KLHL17: variants seen among roughly 807,000 people sequenced by gnomAD.
KLHL17 encodes the protein kelch-like protein 17.
In KLHL17, 71 loss-of-function variants were observed where a neutral mutation model predicts 64.6. The observed-to-expected ratio is 1.10, with a 90% CI of 0.91 to 1.34. The LOEUF (loss-of-function observed/expected upper bound fraction) is 1.34. Ranked by LOEUF, KLHL17 falls within the 40% of genes most tolerant of loss-of-function variation. The pLI, the probability that KLHL17 is intolerant of heterozygous loss-of-function variation, is 0.00. For missense variants in KLHL17, 1,140 were observed against 935.0 expected (o/e 1.22, Z -2.86); for synonymous variants, 612 against 405.4 (o/e 1.51, Z -6.12).
At chr1:961,128 C>T (rs568568735) in intron 1 of KLHL17, among the ~76,000 whole-genome samples, 165 bp from the exon 2 acceptor site, 1 of 150,890 alleles carries the variant, frequency 6.6e-6, no homozygotes, top group Admixed American at 6.6e-5. Flanking sequence ...GGCCTGGACA[C>T]GGCGCGCTCC....
Position 962,053 on chromosome 1 carries a change from A to C in KLHL17, c.711+6A>C, listed in dbSNP as rs1198938448. On this transcript the variant is annotated splice_donor_region_variant and intron_variant, in intron 4 of 11. Coordinates refer to ENST00000338591, the MANE Select transcript of KLHL17 (RefSeq NM_198317.3). Reference sequence around the variant, plus strand: ...TGCTGCTGCCCCTGAAACAGGTAACAGCTGGCGGGCCCAGCCCTCGCCCCC... The same window carrying C: ...TGCTGCTGCCCCTGAAACAGGTAACCGCTGGCGGGCCCAGCCCTCGCCCCC... 6.2e-7 allele frequency: 1 copy of C among 1,611,962 alleles called. No homozygotes were observed. The highest frequency in any genetic ancestry group is 1.3e-5 in the African/African-American group (1 of 74,890).
chr1:965,190 G>A lies in KLHL17; in HGVS notation c.1928G>A (p.Ter643=). The A allele has an allele frequency of 1.9e-6, 3 of 1,611,904 alleles. No homozygotes were observed. Among genetic ancestry groups the A allele is most frequent in the Non-Finnish European group, 2.5e-6 (3 of 1,179,520 alleles). The change falls in exon 12 of 12, where the codon TGA becomes TAA. Residue 643 remains the stop codon, a stop_retained_variant. Transcript: ENST00000338591. ...CTGTCCGTGTCCTCCACCAGCCTCTGACCCACCTACCACCAGAGGCCTGCA... is the reference window on the plus strand; with the variant it reads ...CTGTCCGTGTCCTCCACCAGCCTCTAACCCACCTACCACCAGAGGCCTGCA... ...PTLSVSSTSL[*]
chr1:965,671 A>G lies in KLHL17; in HGVS notation c.*480A>G, dbSNP rs956100876. On this transcript the variant is annotated 3_prime_UTR_variant, in exon 12 of 12. Transcript: ENST00000338591. The stretch of plus-strand genomic sequence containing the variant: ...GTGCACACGCGTGCACTGGGACCCC[A>G]CACAGCAATACGAGTCCAACTTAAT... The G allele has an allele frequency of 2.4e-5, 4 of 165,900 alleles. No individual in the cohort carries two copies. The highest frequency in any genetic ancestry group is 5.2e-5 in the Non-Finnish European group (4 of 77,336). 10.3% of individuals were successfully genotyped at this position (165,900 alleles called of 1,614,324 possible).
At chr1:963,658 C>G (rs1642760073) in intron 8 of KLHL17, 154 bp downstream of exon 8, 1 of 957,402 alleles carries the variant, frequency 1.0e-6, no homozygotes, top group African/African-American at 1.6e-5. Flanking sequence ...GGCCTGAACT[C>G]TTGGCTTTGC....
Position 961,520 on chromosome 1 carries a change from C to A in KLHL17, c.335C>A (p.Ser112Tyr). 6.2e-7 allele frequency: 1 copy of A among 1,612,612 alleles called. No individual in the cohort carries two copies. Among genetic ancestry groups the A allele is most frequent in the Non-Finnish European group, 8.5e-7 (1 of 1,179,964 alleles). Residue 112 changes from serine (S) to tyrosine (Y), a missense_variant, in exon 2 of 12, where the codon TCC becomes TAC. Physicochemically the swap from Ser to Tyr is moderately radical, Grantham distance 144. Transcript: ENST00000338591. Reference sequence around the variant, plus strand: ...CGTGCGCACAAAGTGGTGCTGGCCTCCTGCAGCCCCTACTTCCACGCCATG... The same window carrying A: ...CGTGCGCACAAAGTGGTGCTGGCCTACTGCAGCCCCTACTTCCACGCCATG... ...EIRAHKVVLA[S>Y]CSPYFHAMFT...
rs1642808819 is a variant in KLHL17 at position 964,442 on chromosome 1, A to G, written c.1612A>G (p.Asn538Asp). 1.3e-6 allele frequency: 2 copies of G among 1,550,374 alleles called. No individual in the cohort carries two copies. Among genetic ancestry groups the G allele is most frequent in the Non-Finnish European group, 8.7e-7 (1 of 1,147,050 alleles). Residue 538 changes from asparagine to aspartate, a missense_variant, in exon 11 of 12, where the codon AAC becomes GAC. Physicochemically the swap from Asn to Asp is conservative, Grantham distance 23. Coordinates refer to ENST00000338591, the MANE Select transcript of KLHL17 (RefSeq NM_198317.3). Reference protein sequence around the residue: ...LEGALYVAGGNDGTSCLNSVE... With the variant: ...LEGALYVAGGDDGTSCLNSVE... ...GGGTGCCCTGTACGTGGCAGGGGGC[A>G]ACGACGGCACCAGCTGCCTCAACTC...
In KLHL17 at chr1:961,652, A is replaced by G. The variant is rs138709878; in HGVS notation, c.391A>G (p.Thr131Ala). 4.0e-5 allele frequency: 64 copies of G among 1,612,688 alleles called. 1 individual carries two copies. In the African/African-American group the frequency reaches 7.9e-4, roughly 20 times the overall value. Residue 131 changes from threonine to alanine, a missense_variant, in exon 3 of 12, where the codon ACC becomes GCC. Coordinates refer to ENST00000338591, the MANE Select transcript of KLHL17 (RefSeq NM_198317.3). ...FTNEMSESRQ[T>A]HVTLHDIDPQ... Reference sequence around the variant, plus strand: ...AGATGAGATGAGCGAGAGCCGCCAGACCCACGTGACGCTGCACGACATCGA... The same window carrying G: ...AGATGAGATGAGCGAGAGCCGCCAGGCCCACGTGACGCTGCACGACATCGA...
chr1:965,203 C>T lies in KLHL17; in HGVS notation c.*12C>T. ...CCACCAGCCTCTGACCCACCTACCA[C>T]CAGAGGCCTGCAGCCTCCCACATGC... On this transcript the variant is annotated 3_prime_UTR_variant, in exon 12 of 12. Transcript: ENST00000338591. 4.3e-6 allele frequency: 7 copies of T among 1,609,402 alleles called. No homozygotes were observed. The highest frequency in any genetic ancestry group is 5.9e-6 in the Non-Finnish European group (7 of 1,177,540).
At position 962,935 on chromosome 1, in the gene KLHL17, T is replaced by C. The variant is rs779258595; in HGVS notation, c.1042+18T>C. On this transcript the variant is annotated intron_variant, in intron 6 of 11. Transcript: ENST00000338591. The stretch of plus-strand genomic sequence containing the variant: ...TGCTGTGGGTATGGCCCCCCGCCCG[T>C]TTCCCTCTTGCCCTGTGCCTTCTAC... 269 of 1,536,136 alleles carry C rather than the reference T, an allele frequency of 1.8e-4. No individual in the cohort carries two copies. The highest frequency in any genetic ancestry group is 1.2e-3 in the Middle Eastern group (7 of 5,768).
chr1:961,909 C>G lies in KLHL17; in HGVS notation c.573C>G (p.Pro191=). Reference sequence around the variant, plus strand: ...AGTTTCTACTGAGTCAGCTCGACCCCTCCAACTGCCTGGGTATCCGGGGCT... The same window carrying G: ...AGTTTCTACTGAGTCAGCTCGACCCGTCCAACTGCCTGGGTATCCGGGGCT... The part of the protein sequence containing the change: ...CCKFLLSQLD[P]SNCLGIRGFA... The change falls in exon 4 of 12, where the codon CCC becomes CCG. Residue 191 remains proline (P), a synonymous_variant. Transcript: ENST00000338591. The G allele has an allele frequency of 1.9e-6, 3 of 1,612,952 alleles. No individual in the cohort carries two copies. The highest frequency in any genetic ancestry group is 2.5e-6 in the Non-Finnish European group (3 of 1,180,018).
chr1:964,131 G>A lies in KLHL17; in HGVS notation c.1469G>A (p.Gly490Asp). Reference protein sequence around the residue: ...TLDGNLYAVGGYDSSSHLATV... With the variant: ...TLDGNLYAVGDYDSSSHLATV... ...GATGGGAACCTGTATGCTGTGGGCGGCTACGACAGCTCCTCACACCTGGCC... is the reference window on the plus strand; with the variant it reads ...GATGGGAACCTGTATGCTGTGGGCGACTACGACAGCTCCTCACACCTGGCC... The change falls in exon 10 of 12, where the codon GGC becomes GAC. Residue 490 changes from glycine (G) to aspartate (D), a missense_variant. Coordinates refer to ENST00000338591, the MANE Select transcript of KLHL17 (RefSeq NM_198317.3). 2 of 1,612,698 alleles carry A rather than the reference G, an allele frequency of 1.2e-6. No homozygotes were observed. Among genetic ancestry groups the A allele is most frequent in the East Asian group, 2.2e-5 (1 of 44,878 alleles).
rs7549631 is a variant in KLHL17, at chr1:962,350, C to T, written c.712-5C>T. The T allele has an allele frequency of 0.036, 57,656 of 1,612,394 alleles. 1,802 individuals carry two copies. Among genetic ancestry groups the T allele is most frequent in the African/African-American group, 0.16 (12,097 of 74,978 alleles). On this transcript the variant is annotated splice_polypyrimidine_tract_variant and splice_region_variant and intron_variant, in intron 4 of 11. Transcript: ENST00000338591. Reference sequence around the variant, plus strand: ...GATCTCAGGTCTGAGGACCCCCACTCCCAGGTTCTGGAACTGGTCTCTAGC... The same window carrying T: ...GATCTCAGGTCTGAGGACCCCCACTTCCAGGTTCTGGAACTGGTCTCTAGC...
intron 4 of KLHL17, 27 bp downstream of exon 4, chr1:962,074 C>CCCCCCA: frequency 3.8e-6 from 6 of 1,569,778 alleles, no homozygotes; most frequent in Non-Finnish European, 5.2e-6. Context: ...CCAGCCCTCG[C>CCCCCCA]CCCCCACCCC....
Position 962,433 on chromosome 1 carries a change from A to T in KLHL17, c.790A>T (p.Lys264Ter), listed in dbSNP as rs373348097. Residue 264 changes from lysine (K) to a stop codon, truncating the protein, a stop_gained, in exon 5 of 12, where the codon AAA becomes TAA. Transcript: ENST00000338591. LOFTEE classifies it high-confidence loss of function. ...CTACCGAGCCGTCCTGAGCTGGGTG[A>T]AACACGACGTGGACGCCCGCAGGCA... ...EVYRAVLSWV[K>*]HDVDARRQHV... 1.9e-6 allele frequency: 3 copies of T among 1,612,570 alleles called. No individual in the cohort carries two copies. Among genetic ancestry groups the T allele is most frequent in the Non-Finnish European group, 2.5e-6 (3 of 1,179,914 alleles).
chr1:965,167 G>A lies in KLHL17; in HGVS notation c.1905G>A (p.Leu635=), dbSNP rs777874923. 7 of 1,612,192 alleles carry A rather than the reference G, an allele frequency of 4.3e-6. No homozygotes were observed. The highest frequency in any genetic ancestry group is 5.9e-6 in the Non-Finnish European group (7 of 1,179,772). ...TCCCGCCGCCATCCTCCCCGACGCT[G>A]TCCGTGTCCTCCACCAGCCTCTGAC... ...LNFPPPSSPT[L]SVSSTSL The change falls in exon 12 of 12, where the codon CTG becomes CTA. Residue 635 remains leucine, a synonymous_variant. Coordinates refer to ENST00000338591, the MANE Select transcript of KLHL17 (RefSeq NM_198317.3).
chr1:963,893 C>A, intron 8 of KLHL17, 27 bp from the exon 9 acceptor site: 1 of 1,609,050 alleles, frequency 6.2e-7, no homozygotes, highest in Non-Finnish European at 8.5e-7. Context: ...CTCTGCTGAG[C>A]TGTGGCTGCG....
rs756819919 is a variant in KLHL17, at chr1:964,001, C to T, written c.1437C>T (p.Ala479=). Residue 479 remains alanine, a synonymous_variant, in exon 9 of 12, where the codon GCC becomes GCT. Transcript: ENST00000338591. ...MSTRRRYVRV[A]TLDGNLYAVG... ...CCCGGAGGCGCTATGTGCGAGTGGC[C>T]ACGCTTGGTGGGTGATGGGGCCTGC... 1 of 1,612,512 alleles carries T rather than the reference C, an allele frequency of 6.2e-7. No individual in the cohort carries two copies. Among genetic ancestry groups the T allele is most frequent in the African/African-American group, 1.3e-5 (1 of 74,926 alleles).
In KLHL17 at chr1:961,329, G is replaced by GC; in HGVS notation, c.147dup (p.Ala50ArgfsTer75). ...AGCGCACGCGGCCCCGGCAGGCTCG[G>GC]CCCGCAGCCCCCATGGAGGGAGCCG... On this transcript the variant is annotated frameshift_variant, in exon 2 of 12. Coordinates refer to ENST00000338591, the MANE Select transcript of KLHL17 (RefSeq NM_198317.3). LOFTEE classifies it high-confidence loss of function. 1 of 1,546,654 alleles carries GC rather than the reference G, an allele frequency of 6.5e-7. No homozygotes were observed. Among genetic ancestry groups the GC allele is most frequent in the East Asian group, 2.4e-5 (1 of 41,498 alleles).
At chr1:962,997 C>A in intron 6 of KLHL17, 80 bp downstream of exon 6, 1 of 1,521,238 alleles carries the variant, frequency 6.6e-7, no homozygotes, top group South Asian at 1.2e-5. Flanking sequence ...CTGTGCCGGT[C>A]AGGTCCTGAC....
Sources: gnomAD v4.1 joint callset for allele counts (sites outside exome capture counted in the v4.1 genomes callset) on GRCh38, gnomAD v4.1.1 for gene constraint, MANE v1.5 for transcripts, NCBI Gene and HGNC (gene_info 2026-07-23, HGNC 2026-07-21) for gene names.